The following CFAP157 variants were observed in gnomAD, a reference collection of about 807,000 sequenced individuals.
CFAP157 encodes cilia- and flagella-associated protein 157.
A neutral mutation model predicts 57.8 loss-of-function variants in CFAP157; 43 were observed. The observed-to-expected ratio is 0.74, with a 90% CI of 0.58 to 0.96. The LOEUF (loss-of-function observed/expected upper bound fraction) is 0.96, where lower values mean the gene tolerates loss of function less well. CFAP157 is among the 40% of genes least tolerant of loss of function. The pLI, the probability that CFAP157 is intolerant of heterozygous loss-of-function variation, is 0.00. For synonymous variants in CFAP157, 267 were observed against 269.0 expected, an observed-to-expected ratio of 0.99 and a Z score of 0.07; for missense variants, 606 against 655.3, an observed-to-expected ratio of 0.92 and a Z score of 0.82.
chr9:127,715,314 G>A lies in CFAP157; in HGVS notation c.*1409G>A. Reference sequence around the variant, plus strand: ...CAGAGCAACGCTGCAGTGGGGAAGGGGCGCGAAGAAGGGGCCCAGAAACCC... The same window carrying A: ...CAGAGCAACGCTGCAGTGGGGAAGGAGCGCGAAGAAGGGGCCCAGAAACCC... On this transcript the variant is annotated 3_prime_UTR_variant, in exon 9 of 9. Coordinates refer to ENST00000373295, the MANE Select transcript of CFAP157 (RefSeq NM_001012502.3). This position sits in a 1 kb window ranked among gnomAD's most constrained non-coding sequence, Gnocchi z 5.8. The A allele has an allele frequency of 7.5e-7, 1 of 1,328,702 alleles. No homozygotes were observed. The highest frequency in any genetic ancestry group is 1.0e-6 in the Non-Finnish European group (1 of 957,626). 82.3% of individuals were successfully genotyped at this position (1,328,702 alleles called of 1,614,324 possible).
chr9:127,710,158 C>G (rs1842729793), intron 2 of CFAP157, among the ~76,000 whole-genome samples: 1 of 151,860 alleles, frequency 6.6e-6, no homozygotes, highest in South Asian at 2.1e-4. Context: ...ATATGTAGTC[C>G]CAGCTACTTG....
chr9:127,709,252 TCATGACTGTCGGA>T lies in CFAP157; in HGVS notation c.162-168_162-156del, dbSNP rs1180700280. The stretch of plus-strand genomic sequence containing the variant: ...TGCTAAGCACAGGCATTGGCTGTGG[TCATGACTGTCGGA>T]CCAAGGGGCATAGTGGGAGATGAGG... On this transcript the variant is annotated intron_variant, in intron 1 of 8. Coordinates refer to ENST00000373295, the MANE Select transcript of CFAP157 (RefSeq NM_001012502.3). The surrounding 1 kb of genome is among the most constrained non-coding windows in gnomAD (Gnocchi z 4.7). Among the ~76,000 whole-genome samples the T allele has an allele frequency of 2.0e-5, 3 of 152,216 alleles. No homozygotes were observed. Among genetic ancestry groups the T allele is most frequent in the Non-Finnish European group, 4.4e-5 (3 of 68,042 alleles).
In CFAP157 at chr9:127,711,334, C is replaced by A. The variant is rs1182574510; in HGVS notation, c.693C>A (p.Asn231Lys). Residue 231 changes from asparagine (N) to lysine (K), a missense_variant, in exon 4 of 9, where the codon AAC (asparagine) becomes AAA (lysine). Physicochemically the swap from Asn to Lys is moderately conservative, Grantham distance 94. Coordinates refer to ENST00000373295, the MANE Select transcript of CFAP157 (RefSeq NM_001012502.3). ...WETTKRAIKE[N>K]NGITLQMARV... Reference sequence around the variant, plus strand: ...CAACCAAGCGGGCCATCAAAGAGAACAACGGCATTACCCTGCAGATGGCCA... The same window carrying A: ...CAACCAAGCGGGCCATCAAAGAGAAAAACGGCATTACCCTGCAGATGGCCA... 1 of 1,614,202 alleles carries A rather than the reference C, an allele frequency of 6.2e-7. No homozygotes were observed. The highest frequency in any genetic ancestry group is 8.5e-7 in the Non-Finnish European group (1 of 1,180,042).
intron 5 of CFAP157, 30 bp downstream of exon 5, chr9:127,711,980 C>G: frequency 6.3e-7 from 1 of 1,587,550 alleles, no homozygotes; most frequent in Non-Finnish European, 8.6e-7. Flanking sequence ...GGGCGGGCGG[C>G]GGGTGCAGGC....
At position 127,715,780 on chromosome 9, in the gene CFAP157, C is replaced by G. The variant is rs1185015575; in HGVS notation, c.*1875C>G. 3 of 1,486,634 alleles carry G rather than the reference C, an allele frequency of 2.0e-6. No individual in the cohort carries two copies. Among genetic ancestry groups the G allele is most frequent in the Admixed American group, 2.5e-5 (1 of 40,098 alleles). 92.1% of individuals were successfully genotyped at this position (1,486,634 alleles called of 1,614,324 possible). A position where few individuals can be genotyped will look rare whatever the true frequency, so the allele number is the denominator to read the frequency against. ...CCGCCATGCTTCTGAGGGGCGGAAG[C>G]GGCGAGGCGGTGGCCGAGTCCGGGA... On this transcript the variant is annotated 3_prime_UTR_variant, in exon 9 of 9. Coordinates refer to ENST00000373295, the MANE Select transcript of CFAP157 (RefSeq NM_001012502.3). This position sits in a 1 kb window ranked among gnomAD's most constrained non-coding sequence, Gnocchi z 5.8.
At position 127,709,838 on chromosome 9, in the gene CFAP157, G is replaced by C; in HGVS notation, c.433+145G>C. 1.0e-6 allele frequency: 1 copy of C among 993,752 alleles called. No individual in the cohort carries two copies. Among genetic ancestry groups the C allele is most frequent in the African/African-American group, 1.6e-5 (1 of 61,194 alleles). The allele number at this position is 993,752 out of a possible 1,614,324, so 61.6% of individuals were successfully genotyped here. ...TTAATTGTCCCAGCAATCCTACGAAGCTGGAAACATCCCCCAACCAGTTTG... is the reference window on the plus strand; with the variant it reads ...TTAATTGTCCCAGCAATCCTACGAACCTGGAAACATCCCCCAACCAGTTTG... On this transcript the variant is annotated intron_variant, in intron 2 of 8. Coordinates refer to ENST00000373295, the MANE Select transcript of CFAP157 (RefSeq NM_001012502.3). This position sits in a 1 kb window ranked among gnomAD's most constrained non-coding sequence, Gnocchi z 4.7.
At position 127,714,383 on chromosome 9, in the gene CFAP157, G is replaced by A; in HGVS notation, c.*478G>A. 6.2e-7 allele frequency: 1 copy of A among 1,614,242 alleles called. No homozygotes were observed. The highest frequency in any genetic ancestry group is 8.5e-7 in the Non-Finnish European group (1 of 1,180,040). On this transcript the variant is annotated 3_prime_UTR_variant, in exon 9 of 9. Coordinates refer to ENST00000373295, the MANE Select transcript of CFAP157 (RefSeq NM_001012502.3). ...ACAACAAAAGGGTAGACTCACATTG[G>A]AGTTGAGGCAGCTAATGCAGGAACG... is the stretch of plus-strand genomic sequence containing the variant.
Position 127,714,939 on chromosome 9 carries a change from T to TTGGGGG in CFAP157, c.*1034_*1035insTGGGGG. ...CCCCGCGCCCCAACCCCCACCCCCT[T>TTGGGGG]GGCCCGCCCGCCCACCCCTGGCGCT... On this transcript the variant is annotated 3_prime_UTR_variant, in exon 9 of 9. Transcript: ENST00000373295. 1.2e-5 allele frequency: 5 copies of TTGGGGG among 407,874 alleles called. No homozygotes were observed. The highest frequency in any genetic ancestry group is 2.3e-5 in the Non-Finnish European group (5 of 220,896). The allele number at this position is 407,874 out of a possible 1,614,324, so 25.3% of individuals were successfully genotyped here.
At chr9:127,713,360 C>T in intron 8 of CFAP157, 154 bp downstream of exon 8, 1 of 631,986 alleles carries the variant, frequency 1.6e-6, no homozygotes, top group Non-Finnish European at 2.6e-6. Flanking sequence ...AAGGAGTGGC[C>T]AAGCCTCAAT....
chr9:127,715,855 T>G lies in CFAP157; in HGVS notation c.*1950T>G, dbSNP rs1842968856. 1.1e-6 allele frequency: 1 copy of G among 940,346 alleles called. No individual in the cohort carries two copies. The highest frequency in any genetic ancestry group is 1.7e-5 in the African/African-American group (1 of 59,898). The allele number at this position is 940,346 out of a possible 1,614,324, so 58.3% of individuals were successfully genotyped here. A position where few individuals can be genotyped will look rare whatever the true frequency, so the allele number is the denominator to read the frequency against. On this transcript the variant is annotated 3_prime_UTR_variant, in exon 9 of 9. Transcript: ENST00000373295. The surrounding 1 kb of genome is among the most constrained non-coding windows in gnomAD (Gnocchi z 5.8). Reference sequence around the variant, plus strand: ...CGTCACAGTGTCCCTTCGGGACTTGTGTGGGACGCTCGGAGCTCTTGCTTG... The same window carrying G: ...CGTCACAGTGTCCCTTCGGGACTTGGGTGGGACGCTCGGAGCTCTTGCTTG...
rs772645395 is a variant in CFAP157 at position 127,713,138 on chromosome 9, C to T, written c.1423C>T (p.Pro475Ser). The change falls in exon 8 of 9, where the codon CCC (proline) becomes TCC (serine). Residue 475 changes from proline (P) to serine (S), a missense_variant. Coordinates refer to ENST00000373295, the MANE Select transcript of CFAP157 (RefSeq NM_001012502.3). Reference sequence around the variant, plus strand: ...TCGCCAGGTCCACATCCCACCCAACCCCCAGGACCTCAGGCTGCTGTCATA... The same window carrying T: ...TCGCCAGGTCCACATCCCACCCAACTCCCAGGACCTCAGGCTGCTGTCATA... ...VPRQVHIPPN[P>S]QDLRLLSYIT... The T allele has an allele frequency of 5.0e-6, 8 of 1,609,930 alleles. No homozygotes were observed.
chr9:127,715,777 A>T lies in CFAP157; in HGVS notation c.*1872A>T. 6.7e-7 allele frequency: 1 copy of T among 1,494,712 alleles called. No homozygotes were observed. The highest frequency in any genetic ancestry group is 1.3e-5 in the South Asian group (1 of 79,914). 92.6% of individuals were successfully genotyped at this position (1,494,712 alleles called of 1,614,324 possible). The stretch of plus-strand genomic sequence containing the variant: ...TGGCCGCCATGCTTCTGAGGGGCGG[A>T]AGCGGCGAGGCGGTGGCCGAGTCCG... On this transcript the variant is annotated 3_prime_UTR_variant, in exon 9 of 9. Transcript: ENST00000373295. This position sits in a 1 kb window ranked among gnomAD's most constrained non-coding sequence, Gnocchi z 5.8.
chr9:127,710,782 C>T, intron 3 of CFAP157, 28 bp downstream of exon 3: 2 of 1,551,996 alleles, frequency 1.3e-6, no homozygotes, highest in Non-Finnish European at 1.7e-6. Flanking sequence ...CCTTTGGGGC[C>T]TTTGGAGGCT....
chr9:127,712,041 G>A, intron 5 of CFAP157, 91 bp downstream of exon 5: 4 of 1,520,068 alleles, frequency 2.6e-6, no homozygotes, highest in Non-Finnish European at 2.7e-6. Context: ...CCAGGCCAGT[G>A]ACTTCCCCTC....
In CFAP157 at chr9:127,715,883, C is replaced by T; in HGVS notation, c.*1978C>T. 1.2e-6 allele frequency: 1 copy of T among 841,108 alleles called. No individual in the cohort carries two copies. Among genetic ancestry groups the T allele is most frequent in the Non-Finnish European group, 1.8e-6 (1 of 551,948 alleles). The allele number at this position is 841,108 out of a possible 1,614,324, so 52.1% of individuals were successfully genotyped here. ...GGGACGCTCGGAGCTCTTGCTTGAC[C>T]TTCGGTTGGGAGGCCTTGTTATGCC... is the stretch of plus-strand genomic sequence containing the variant. On this transcript the variant is annotated 3_prime_UTR_variant, in exon 9 of 9. Coordinates refer to ENST00000373295, the MANE Select transcript of CFAP157 (RefSeq NM_001012502.3). The surrounding 1 kb of genome is among the most constrained non-coding windows in gnomAD (Gnocchi z 5.8).
rs746707316 is a variant in CFAP157 at position 127,709,597 on chromosome 9, G to C, written c.337G>C (p.Glu113Gln). 8 of 1,614,064 alleles carry C rather than the reference G, an allele frequency of 5.0e-6. No individual in the cohort carries two copies. The highest frequency in any genetic ancestry group is 3.3e-5 in the South Asian group (3 of 91,080). Residue 113 changes from glutamate to glutamine, a missense_variant, in exon 2 of 9, where the codon GAG becomes CAG. Glu to Gln is a conservative substitution (Grantham distance 29). Coordinates refer to ENST00000373295, the MANE Select transcript of CFAP157 (RefSeq NM_001012502.3). This position sits in a 1 kb window ranked among gnomAD's most constrained non-coding sequence, Gnocchi z 4.7. Reference sequence around the variant, plus strand: ...GCTCCAGAACTTGCAGCTAGCCAAAGAGATGGAGAAGGATGCCTTCGAGGC... The same window carrying C: ...GCTCCAGAACTTGCAGCTAGCCAAACAGATGGAGAAGGATGCCTTCGAGGC... The part of the protein sequence containing the change: ...EQLQNLQLAK[E>Q]MEKDAFEAQL...
At position 127,715,896 on chromosome 9, in the gene CFAP157, G is replaced by A; in HGVS notation, c.*1991G>A. On this transcript the variant is annotated 3_prime_UTR_variant, in exon 9 of 9. Transcript: ENST00000373295. The surrounding 1 kb of genome is among the most constrained non-coding windows in gnomAD (Gnocchi z 5.8). ...CTCTTGCTTGACCTTCGGTTGGGAG[G>A]CCTTGTTATGCCCCCCGCTATGGCC... The A allele has an allele frequency of 1.3e-6, 1 of 767,664 alleles. No individual in the cohort carries two copies. Among genetic ancestry groups the A allele is most frequent in the Admixed American group, 2.9e-5 (1 of 34,470 alleles). 47.6% of individuals were successfully genotyped at this position (767,664 alleles called of 1,614,324 possible).
At chr9:127,711,118 G>C (rs940420930) in intron 3 of CFAP157, 111 bp from the exon 4 acceptor site, 3 of 1,356,634 alleles carry the variant, frequency 2.2e-6, no homozygotes, top group African/African-American at 2.9e-5. Flanking sequence ...CCCAGGGAGA[G>C]AGCATGCTGG....
At chr9:127,713,235 C>T in intron 8 of CFAP157, 29 bp downstream of exon 8, 1 of 1,496,616 alleles carries the variant, frequency 6.7e-7, no homozygotes, top group Non-Finnish European at 9.0e-7. Flanking sequence ...CCAGGGAAAG[C>T]AAGGTGGCAG....
Sources: gnomAD v4.1 joint callset for allele counts (sites outside exome capture counted in the v4.1 genomes callset) on GRCh38, gnomAD v4.1.1 for gene constraint, Gnocchi (gnomAD v3.1) non-coding constraint, MANE v1.5 for transcripts, NCBI Gene and HGNC (gene_info 2026-07-23, HGNC 2026-07-21) for gene names.